Variants in NCOA1 observed in about 807,000 individuals in gnomAD.
NCOA1 encodes the protein nuclear receptor coactivator 1.
A neutral mutation model predicts 150.9 loss-of-function variants in NCOA1; 35 were observed. The observed-to-expected ratio is 0.23, with a 90% CI of 0.18 to 0.31. The LOEUF is 0.31. Among genes scored for constraint, NCOA1 ranks in the 10% least tolerant of loss-of-function variants. The pLI, the probability that NCOA1 is intolerant of heterozygous loss-of-function variation, is 1.00. For missense variants in NCOA1, 1,491 were observed against 1,749.3 expected, an observed-to-expected ratio of 0.85 and a Z score of 2.63; for synonymous variants, 590 against 630.0, an observed-to-expected ratio of 0.94 and a Z score of 0.95.
At chr2:24,510,104 C>G (rs1663871412) in intron 1 of NCOA1, among the ~76,000 whole-genome samples, 2 of 152,170 alleles carry the variant, frequency 1.3e-5, no homozygotes, top group Admixed American at 6.5e-5. Context: ...GGCTGGAGTG[C>G]AATGGCATGA....
At chr2:24,552,188 G>A (rs573786805) in intron 1 of NCOA1, among the ~76,000 whole-genome samples, 50 of 151,048 alleles carry the variant, frequency 3.3e-4, no homozygotes, top group African/African-American at 1.1e-3. Flanking sequence ...TAAAAAGCCT[G>A]CTGGGATTTT....
chr2:24,572,654 C>T lies in NCOA1; in HGVS notation c.-260+8224C>T, dbSNP rs569058164. Among the ~76,000 whole-genome samples the T allele has an allele frequency of 7.2e-5, 11 of 152,262 alleles. No individual in the cohort carries two copies. In the East Asian group the frequency reaches 2.1e-3, roughly 29 times the overall value. Reference sequence around the variant, plus strand: ...ATGGTATTTTTCTGTACTCCATCACCTCCCTCTCTCCACCCGAGCTGCACC... The same window carrying T: ...ATGGTATTTTTCTGTACTCCATCACTTCCCTCTCTCCACCCGAGCTGCACC... On this transcript the variant is annotated intron_variant, in intron 2 of 22. Transcript: ENST00000348332.
At chr2:24,686,523 C>T (rs1004996622) in intron 8 of NCOA1, among the ~76,000 whole-genome samples, 1 of 152,118 alleles carries the variant, frequency 6.6e-6, no homozygotes, top group Non-Finnish European at 1.5e-5. Flanking sequence ...CTACCTCCTC[C>T]CACACACAAA....
rs1665222384 is a variant in NCOA1, at chr2:24,769,438, T to C, written c.*1047T>C. On this transcript the variant is annotated 3_prime_UTR_variant, in exon 23 of 23. Transcript: ENST00000348332. The stretch of plus-strand genomic sequence containing the variant: ...CATTATTTTAATAACTGTGATGTCA[T>C]GTATGGATTTACTTTGGGGTTCAAA... The C allele has an allele frequency of 5.2e-6, 1 of 190,936 alleles. No homozygotes were observed. The highest frequency in any genetic ancestry group is 1.1e-5 in the Non-Finnish European group (1 of 90,920). 11.8% of individuals were successfully genotyped at this position (190,936 alleles called of 1,614,324 possible). A position where few individuals can be genotyped will look rare whatever the true frequency, so the allele number is the denominator to read the frequency against.
intron 17 of NCOA1, among the ~76,000 whole-genome samples, chr2:24,737,662 T>C (rs1266820739): frequency 6.6e-6 from 1 of 152,186 alleles, no homozygotes; most frequent in East Asian, 1.9e-4. Context: ...CAAGCTGAGC[T>C]CACTCATGCT....
At chr2:24,721,825 C>T (rs1178420855) in intron 14 of NCOA1, among the ~76,000 whole-genome samples, 5 of 152,206 alleles carry the variant, frequency 3.3e-5, no homozygotes, top group African/African-American at 1.2e-4. Context: ...ATCTCTTTCT[C>T]CTGTTGCAAG....
intron 10 of NCOA1, among the ~76,000 whole-genome samples, chr2:24,695,909 C>T (rs950824155): frequency 1.2e-4 from 19 of 152,312 alleles, no homozygotes; most frequent in African/African-American, 4.3e-4. Flanking sequence ...TGAACACACA[C>T]ATGCATATGC....
At chr2:24,611,394 C>A (rs1299689063) in intron 3 of NCOA1, among the ~76,000 whole-genome samples, 1 of 152,178 alleles carries the variant, frequency 6.6e-6, no homozygotes, top group African/African-American at 2.4e-5. Context: ...GTAAAGAGTG[C>A]TGCAGTGAAC....
intron 1 of NCOA1, among the ~76,000 whole-genome samples, chr2:24,542,834 A>G (rs1444992835): frequency 6.6e-6 from 1 of 152,256 alleles, no homozygotes; most frequent in Non-Finnish European, 1.5e-5. Flanking sequence ...CTTTAGAATA[A>G]TATAATTAGT....
intron 2 of NCOA1, among the ~76,000 whole-genome samples, chr2:24,574,370 A>G (rs531743506): frequency 4.7e-4 from 71 of 152,204 alleles, no homozygotes; most frequent in Middle Eastern, 3.4e-3. Context: ...GGTGAGAACT[A>G]TTTTAGAGAT....
intron 1 of NCOA1, among the ~76,000 whole-genome samples, chr2:24,561,430 C>G (rs1400069036): frequency 2.0e-5 from 3 of 152,090 alleles, no homozygotes; most frequent in East Asian, 1.9e-4. Flanking sequence ...AAATGTTAGT[C>G]TATGAAACAA....
Position 24,690,651 on chromosome 2 carries a change from C to CAAAAAAAAAAAAAAAAAAAA in NCOA1, c.533-822_533-803dup, listed in dbSNP as rs70947837. ...TGGGTGACAAAGTGAGATTCCATCT[C>CAAAAAAAAAAAAAAAAAAAA]AAAAAAAAAAAAAAAAAAAAAAAAA... On this transcript the variant is annotated intron_variant, in intron 8 of 22. Transcript: ENST00000348332. Among the ~76,000 whole-genome samples, 31 of 38,442 alleles carry CAAAAAAAAAAAAAAAAAAAA rather than the reference C, an allele frequency of 8.1e-4. 3 individuals carry two copies. The highest frequency in any genetic ancestry group is 1.2e-3 in the Non-Finnish European group (28 of 23,998). The allele number at this position is 38,442 out of a possible 152,430, so 25.2% of individuals were successfully genotyped here. A position where few individuals can be genotyped will look rare whatever the true frequency, so the allele number is the denominator to read the frequency against.
chr2:24,696,297 G>A (rs1672895997), intron 10 of NCOA1, among the ~76,000 whole-genome samples: 1 of 152,136 alleles, frequency 6.6e-6, no homozygotes, highest in Non-Finnish European at 1.5e-5. Context: ...GTTCAATGAG[G>A]AGGCACAAAC....
chr2:24,504,641 G>A (rs905940242), intron 1 of NCOA1, among the ~76,000 whole-genome samples: 1 of 152,144 alleles, frequency 6.6e-6, no homozygotes, highest in African/African-American at 2.4e-5. Flanking sequence ...TAGCCTTTGG[G>A]ACAATTAAAG....
At chr2:24,606,256 T>G (rs1011195622) in intron 3 of NCOA1, among the ~76,000 whole-genome samples, 11 of 151,946 alleles carry the variant, frequency 7.2e-5, no homozygotes, top group African/African-American at 2.7e-4. Context: ...ATTATTTTGG[T>G]GACAGAGTCT....
At chr2:24,513,391 G>T (rs1572367345) in intron 1 of NCOA1, among the ~76,000 whole-genome samples, 1 of 152,010 alleles carries the variant, frequency 6.6e-6, no homozygotes, top group Non-Finnish European at 1.5e-5. Flanking sequence ...TGCTCTTGCA[G>T]TACCCTTTTT....
At chr2:24,651,151 AAATTAACATATGACTCAG>A (rs939613656) in intron 4 of NCOA1, among the ~76,000 whole-genome samples, 2 of 152,106 alleles carry the variant, frequency 1.3e-5, no homozygotes, top group African/African-American at 2.4e-5. Flanking sequence ...ACTCCTAAGG[AAATTAACATATGACTCAG>A]AATTAACATA....
In NCOA1 at chr2:24,704,606, G is replaced by A. The variant is rs372638769; in HGVS notation, c.950-480G>A. Among the ~76,000 whole-genome samples, 27 of 152,114 alleles carry A rather than the reference G, an allele frequency of 1.8e-4. 1 individual carries two copies. In the East Asian group the frequency reaches 2.7e-3, roughly 15 times the overall value. On this transcript the variant is annotated intron_variant, in intron 11 of 22. Coordinates refer to ENST00000348332, the MANE Select transcript of NCOA1 (RefSeq NM_003743.5). The stretch of plus-strand genomic sequence containing the variant: ...AGCCTGACCAACATGGTGAAACCCT[G>A]CCTCTACTAAAAATACAAAAATTAG...
chr2:24,565,680 C>T (rs893550068), intron 2 of NCOA1, among the ~76,000 whole-genome samples: 1 of 152,190 alleles, frequency 6.6e-6, no homozygotes, highest in Admixed American at 6.5e-5. Flanking sequence ...GTGTGCAGCT[C>T]ACACTACTGG....
Sources: allele counts gnomAD v4.1 joint callset (sites outside exome capture counted in the v4.1 genomes callset), GRCh38; gene constraint gnomAD v4.1.1; transcripts MANE v1.5; gene names NCBI Gene and HGNC (gene_info 2026-07-23, HGNC 2026-07-21).